Variants in ZNF155 observed in about 807,000 individuals in gnomAD.
ZNF155 encodes KRAB A domain.
ZNF155 carries 15 observed loss-of-function variants against 11.9 expected under a neutral mutation model. The observed-to-expected ratio is 1.26, with a 90% confidence interval of 0.84 to 1.94. ZNF155 has a LOEUF of 1.94. ZNF155 is among the 30% of genes most tolerant of loss of function. The pLI is 0.00. For missense variants in ZNF155, 602 were observed against 639.1 expected (o/e 0.94, Z 0.63); for synonymous variants, 212 against 219.9 (o/e 0.96, Z 0.32).
At chr19:43,991,729 C>G in intron 3 of ZNF155, 55 bp downstream of exon 3, 1 of 1,610,466 alleles carries the variant, frequency 6.2e-7, no homozygotes. Context: ...TGGTTTTGTA[C>G]CTTAGAGTGT....
At chr19:43,992,193 A>G (rs965932796) in intron 4 of ZNF155, among the ~76,000 whole-genome samples, 2 of 152,028 alleles carry the variant, frequency 1.3e-5, no homozygotes, top group African/African-American at 4.8e-5. Flanking sequence ...TGATGTTACA[A>G]CCTCTTTAAG....
chr19:43,997,016 CT>C lies in ZNF155; in HGVS notation c.1163del (p.Leu388Ter). 6.2e-7 allele frequency: 1 copy of C among 1,614,016 alleles called. No individual in the cohort carries two copies. Among genetic ancestry groups the C allele is most frequent in the Non-Finnish European group, 8.5e-7 (1 of 1,179,996 alleles). On this transcript the variant is annotated frameshift_variant, in exon 5 of 5. Coordinates refer to ENST00000270014, the MANE Select transcript of ZNF155 (RefSeq NM_198089.3). LOFTEE classifies it low-confidence loss of function (END_TRUNC). ...CGKSFRWSSC[L>X]LNHQRVHSGE... ...GAAGAGCTTCAGATGGTCCTCATGC[CT>C]TTTGAACCATCAGCGAGTCCACAGT...
intron 2 of ZNF155, among the ~76,000 whole-genome samples, chr19:43,989,751 C>A (rs1381790593): frequency 9.9e-5 from 15 of 152,180 alleles, no homozygotes; most frequent in Non-Finnish European, 1.8e-4. Flanking sequence ...ATCTTTAAAT[C>A]CCTTTTGGCA....
chr19:43,997,278 A>T lies in ZNF155; in HGVS notation c.1421A>T (p.His474Leu). 6.2e-7 allele frequency: 1 copy of T among 1,614,188 alleles called. No individual in the cohort carries two copies. The highest frequency in any genetic ancestry group is 1.1e-5 in the South Asian group (1 of 91,080). Reference sequence around the variant, plus strand: ...AGCCGGGCCTCAAGTATTTTGAATCATAAGAGACTCCACTGCCAGAAAAAA... The same window carrying T: ...AGCCGGGCCTCAAGTATTTTGAATCTTAAGAGACTCCACTGCCAGAAAAAA... ...NFSRASSILN[H>L]KRLHCQKKPF... Residue 474 changes from histidine (H) to leucine (L), a missense_variant, in exon 5 of 5, where the codon CAT becomes CTT. His to Leu is a moderately conservative substitution (Grantham distance 99). Transcript: ENST00000270014.
At chr19:43,988,701 T>C (rs1975550501) in intron 2 of ZNF155, 143 bp downstream of exon 2, 1 of 786,526 alleles carries the variant, frequency 1.3e-6, no homozygotes, top group African/African-American at 1.8e-5. Context: ...TTATCTCTTT[T>C]GTGTTGACTG....
intron 2 of ZNF155, chr19:43,990,083 G>C: frequency 6.6e-7 from 1 of 1,523,940 alleles, no homozygotes; most frequent in African/African-American, 1.4e-5. Context: ...GAGAAGCAAA[G>C]TACTTGTATT....
chr19:43,992,799 A>G (rs1377336886), intron 4 of ZNF155, among the ~76,000 whole-genome samples: 1 of 152,246 alleles, frequency 6.6e-6, no homozygotes, highest in Non-Finnish European at 1.5e-5. Context: ...TGTATATTGC[A>G]GAACAGTTTT....
In ZNF155 at chr19:43,988,475, G is replaced by C. The variant is rs1464549202; in HGVS notation, c.-69G>C. 5.2e-6 allele frequency: 8 copies of C among 1,532,178 alleles called. No individual in the cohort carries two copies. Among genetic ancestry groups the C allele is most frequent in the Non-Finnish European group, 7.1e-6 (8 of 1,126,794 alleles). 94.9% of individuals were successfully genotyped at this position (1,532,178 alleles called of 1,614,324 possible). A position where few individuals can be genotyped will look rare whatever the true frequency, so the allele number is the denominator to read the frequency against. On this transcript the variant is annotated 5_prime_UTR_variant, in exon 2 of 5. Coordinates refer to ENST00000270014, the MANE Select transcript of ZNF155 (RefSeq NM_198089.3). Reference sequence around the variant, plus strand: ...TTTCTGCAGACTGTGGCACGTTTCAGGCAGGATTCCTCCTTCATTCAAACT... The same window carrying C: ...TTTCTGCAGACTGTGGCACGTTTCACGCAGGATTCCTCCTTCATTCAAACT...
intron 4 of ZNF155, among the ~76,000 whole-genome samples, chr19:43,992,895 C>G (rs1022473599): frequency 3.3e-5 from 5 of 152,256 alleles, no homozygotes; most frequent in African/African-American, 4.8e-5. Flanking sequence ...AATTGACCCA[C>G]GTCCCGTGGA....
chr19:43,985,580 G>C (rs1320468917), intron 1 of ZNF155, among the ~76,000 whole-genome samples: 1 of 132,520 alleles, frequency 7.5e-6, no homozygotes, highest in Non-Finnish European at 1.6e-5. Context: ...TCGCTCTGTC[G>C]CCCAGGCTAG....
Position 43,996,426 on chromosome 19 carries a change from C to G in ZNF155, c.569C>G (p.Ala190Gly). ...ECGKSICYISALHVHQRVHVG... is the reference protein window; with the variant it reads ...ECGKSICYISGLHVHQRVHVG... Reference sequence around the variant, plus strand: ...GGAAAAAGCATCTGTTACATCTCAGCTCTTCATGTTCATCAGAGAGTCCAC... The same window carrying G: ...GGAAAAAGCATCTGTTACATCTCAGGTCTTCATGTTCATCAGAGAGTCCAC... The change falls in exon 5 of 5, where the codon GCT becomes GGT. Residue 190 changes from alanine to glycine, a missense_variant. Coordinates refer to ENST00000270014, the MANE Select transcript of ZNF155 (RefSeq NM_198089.3). 1.2e-6 allele frequency: 2 copies of G among 1,614,136 alleles called. No homozygotes were observed. Among genetic ancestry groups the G allele is most frequent in the East Asian group, 2.2e-5 (1 of 44,886 alleles).
At chr19:43,991,972 C>T (rs754017335) in intron 4 of ZNF155, 38 bp downstream of exon 4, 2 of 1,575,004 alleles carry the variant, frequency 1.3e-6, no homozygotes, top group Non-Finnish European at 1.7e-6. Flanking sequence ...GTACCTGACT[C>T]TCCCACCTGT....
chr19:43,990,747 G>C (rs1292171128), intron 2 of ZNF155, among the ~76,000 whole-genome samples: 1 of 152,210 alleles, frequency 6.6e-6, no homozygotes, highest in Non-Finnish European at 1.5e-5. Flanking sequence ...AGTCCTGTGA[G>C]ACAGAACACG....
rs446016 is a variant in ZNF155, at chr19:43,997,366, G to A, written c.1509G>A (p.Pro503=). 473,502 of 1,613,870 alleles carry A rather than the reference G, an allele frequency of 0.29. 74,007 individuals carry two copies. Among genetic ancestry groups the A allele is most frequent in the East Asian group, 0.57 (25,514 of 44,868 alleles). The change falls in exon 5 of 5, where the codon CCG becomes CCA. Residue 503 remains proline (P), a synonymous_variant. Coordinates refer to ENST00000270014, the MANE Select transcript of ZNF155 (RefSeq NM_198089.3). ...ACAGGACATACCGTAAAGACCAGCC[G>A]AGAGACTATAGTGGGGAAAACCCAT... ...LVHRTYRKDQ[P]RDYSGENPSK... is the part of the protein sequence containing the mutation.
chr19:43,988,831 T>A, intron 2 of ZNF155: 1 of 333,456 alleles, frequency 3.0e-6, no homozygotes. Flanking sequence ...TCAAATTATC[T>A]GTTTTTATCT....
chr19:43,991,344 T>C (rs920964199), intron 2 of ZNF155, among the ~76,000 whole-genome samples: 1 of 152,172 alleles, frequency 6.6e-6, no homozygotes, highest in Non-Finnish European at 1.5e-5. Flanking sequence ...TGAGACTTCA[T>C]CATTGCACTT....
chr19:43,996,465 T>A lies in ZNF155; in HGVS notation c.608T>A (p.Leu203His), dbSNP rs750133803. 6.2e-7 allele frequency: 1 copy of A among 1,613,968 alleles called. No individual in the cohort carries two copies. Among genetic ancestry groups the A allele is most frequent in the East Asian group, 2.2e-5 (1 of 44,890 alleles). Residue 203 changes from leucine to histidine, a missense_variant, in exon 5 of 5, where the codon CTC becomes CAC. Transcript: ENST00000270014. ...CAGAGAGTCCACGTGGGAGAGAAAC[T>A]CTTTATGTGTGATGTGTGTGGCAAG... is the stretch of plus-strand genomic sequence containing the variant. Reference protein sequence around the residue: ...VHQRVHVGEKLFMCDVCGKEF... With the variant: ...VHQRVHVGEKHFMCDVCGKEF...
intron 1 of ZNF155, among the ~76,000 whole-genome samples, chr19:43,985,168 T>G (rs1975392673): frequency 6.6e-6 from 1 of 152,068 alleles, no homozygotes; most frequent in Non-Finnish European, 1.5e-5. Flanking sequence ...TTCAAGCGAT[T>G]CTCTGTCCTC....
intron 1 of ZNF155, among the ~76,000 whole-genome samples, chr19:43,987,266 A>G (rs58591332): frequency 0.21 from 31,478 of 151,884 alleles, 3,765 homozygotes; most frequent in African/African-American, 0.33. Flanking sequence ...CTTCTACCCT[A>G]CCCTTTACCC....
Sources: allele counts gnomAD v4.1 joint callset (sites outside exome capture counted in the v4.1 genomes callset), GRCh38; gene constraint gnomAD v4.1.1; transcripts MANE v1.5; gene names NCBI Gene and HGNC (gene_info 2026-07-23, HGNC 2026-07-21).